Variants in MRPL1 observed in about 807,000 individuals in gnomAD.
MRPL1 encodes the protein mitochondrial ribosomal protein L1, also known as large ribosomal subunit protein uL1m.
MRPL1 carries 28 observed loss-of-function variants against 38.0 expected under a neutral mutation model. That is an observed-to-expected ratio of 0.74 (90% CI 0.55 to 1.01). The LOEUF (loss-of-function observed/expected upper bound fraction) is 1.01, where lower values mean the gene tolerates loss of function less well. Ranked by LOEUF, MRPL1 falls within the 50% of genes least tolerant of loss-of-function variation. MRPL1 has a pLI of 0.00. For synonymous variants in MRPL1, 123 were observed against 126.7 expected, an observed-to-expected ratio of 0.97 and a Z score of 0.20; for missense variants, 358 against 389.8, an observed-to-expected ratio of 0.92 and a Z score of 0.69.
At chr4:77,870,024 C>T (rs1735238886) in intron 1 of MRPL1, among the ~76,000 whole-genome samples, 1 of 152,132 alleles carries the variant, frequency 6.6e-6, no homozygotes, top group Non-Finnish European at 1.5e-5. Flanking sequence ...CCTCAGCTTC[C>T]TGAGTAGCTG....
At chr4:77,862,915 C>T (rs563051567) in intron 1 of MRPL1, 36 bp downstream of exon 1, 3 of 1,613,808 alleles carry the variant, frequency 1.9e-6, no homozygotes, top group Non-Finnish European at 1.7e-6. Context: ...GGAAATGGCT[C>T]TGGCACCGAG....
chr4:77,873,143 T>C (rs896680470), intron 2 of MRPL1, among the ~76,000 whole-genome samples: 4 of 152,258 alleles, frequency 2.6e-5, no homozygotes, highest in African/African-American at 9.6e-5. Context: ...ATAATAATAG[T>C]TAAAATTTAT....
At chr4:77,918,524 A>T (rs943577943) in intron 7 of MRPL1, among the ~76,000 whole-genome samples, 1 of 152,132 alleles carries the variant, frequency 6.6e-6, no homozygotes, top group Non-Finnish European at 1.5e-5. Context: ...AATTTCTTAC[A>T]AGCATGTGAG....
At chr4:77,904,736 A>G (rs115825964) in intron 6 of MRPL1, among the ~76,000 whole-genome samples, 262 of 152,290 alleles carry the variant, frequency 1.7e-3, no homozygotes, top group African/African-American at 6.1e-3. Flanking sequence ...TGATCAACTG[A>G]TTTTCAGCAA....
chr4:77,896,871 A>AAACCTGTTTATT (rs1735926077), intron 6 of MRPL1, among the ~76,000 whole-genome samples: 2 of 152,302 alleles, frequency 1.3e-5, no homozygotes, highest in Non-Finnish European at 1.5e-5. Context: ...TTATTAAAAA[A>AAACCTGTTTATT]AATTAAAACC....
chr4:77,912,712 C>T (rs910986884), intron 7 of MRPL1, among the ~76,000 whole-genome samples: 1 of 152,030 alleles, frequency 6.6e-6, no homozygotes, highest in African/African-American at 2.4e-5. Flanking sequence ...TTCTAAAATT[C>T]ATAGAAAAAT....
At chr4:77,941,848 TTTTG>T (rs1256725672) in intron 7 of MRPL1, among the ~76,000 whole-genome samples, 16 of 152,154 alleles carry the variant, frequency 1.1e-4, no homozygotes, top group African/African-American at 1.7e-4. Flanking sequence ...TTGTATTGTT[TTTTG>T]TTTGTTTGTT....
At chr4:77,909,553 A>C (rs1004668458) in intron 7 of MRPL1, among the ~76,000 whole-genome samples, 181 bp downstream of exon 7, 1 of 152,226 alleles carries the variant, frequency 6.6e-6, no homozygotes, top group Non-Finnish European at 1.5e-5. Flanking sequence ...CATAAATTTT[A>C]ATGGTACTTG....
rs573797435 is a variant in MRPL1 at position 77,935,007 on chromosome 4, G to A, written c.778-14790G>A. Among the ~76,000 whole-genome samples, 6 of 152,322 alleles carry A rather than the reference G, an allele frequency of 3.9e-5. No homozygotes were observed. In the East Asian group the frequency reaches 9.6e-4, roughly 24 times the overall value. On this transcript the variant is annotated intron_variant, in intron 7 of 8. Transcript: ENST00000315567. ...CGTAGAGATAGAAAGTAGAATGGTG[G>A]TTGCCAGGGGCTGGAGGAAGGGGGC...
chr4:77,927,982 CT>C (rs1358348594), intron 7 of MRPL1, among the ~76,000 whole-genome samples: 1 of 152,136 alleles, frequency 6.6e-6, no homozygotes, highest in Non-Finnish European at 1.5e-5. Context: ...ATATTTGGAG[CT>C]TTGACATACT....
chr4:77,934,301 A>G (rs1309675846), intron 7 of MRPL1, among the ~76,000 whole-genome samples: 5 of 152,240 alleles, frequency 3.3e-5, no homozygotes, highest in Admixed American at 3.3e-4. Flanking sequence ...AATCATATAT[A>G]TGATATGAGA....
intron 1 of MRPL1, among the ~76,000 whole-genome samples, chr4:77,868,375 G>T (rs1439411890): frequency 6.6e-6 from 1 of 152,086 alleles, no homozygotes; most frequent in Non-Finnish European, 1.5e-5. Flanking sequence ...GAGTAGCTGG[G>T]ATTACAGGAG....
chr4:77,880,468 T>A (rs1735512769), intron 2 of MRPL1, among the ~76,000 whole-genome samples: 2 of 151,338 alleles, frequency 1.3e-5, no homozygotes, highest in African/African-American at 4.9e-5. Context: ...CATCTCAAGG[T>A]CTTTAACCTT....
chr4:77,887,532 TTGTC>T (rs1735709172), intron 5 of MRPL1, among the ~76,000 whole-genome samples: 1 of 151,810 alleles, frequency 6.6e-6, no homozygotes, highest in Non-Finnish European at 1.5e-5. Context: ...GTGTGTGTGT[TTGTC>T]TGTGTTTGAG....
At chr4:77,910,727 T>C (rs1736268585) in intron 7 of MRPL1, among the ~76,000 whole-genome samples, 1 of 152,186 alleles carries the variant, frequency 6.6e-6, no homozygotes, top group African/African-American at 2.4e-5. Flanking sequence ...CATGCTAGGC[T>C]TCTCAGCTAG....
chr4:77,905,695 C>CT (rs1180592159), intron 6 of MRPL1, among the ~76,000 whole-genome samples: 1 of 151,974 alleles, frequency 6.6e-6, no homozygotes, highest in Non-Finnish European at 1.5e-5. Flanking sequence ...AATCTATCAC[C>CT]TTTTTTCTAG....
chr4:77,916,972 G>A (rs1304364242), intron 7 of MRPL1, among the ~76,000 whole-genome samples: 1 of 152,108 alleles, frequency 6.6e-6, no homozygotes. Context: ...CTAGCATTGG[G>A]TATTATCACA....
At chr4:77,949,732 T>C in intron 7 of MRPL1, 65 bp from the exon 8 acceptor site, 1 of 1,148,454 alleles carries the variant, frequency 8.7e-7, no homozygotes, top group South Asian at 1.4e-5. Context: ...TGAAAAATAG[T>C]CTAGAATAAT....
chr4:77,902,315 A>C (rs1736052469), intron 6 of MRPL1, among the ~76,000 whole-genome samples: 1 of 150,170 alleles, frequency 6.7e-6, no homozygotes, highest in South Asian at 2.2e-4. Context: ...TCAGGGTGGC[A>C]GTGCTCTATG....
Sources: allele counts gnomAD v4.1 joint callset (sites outside exome capture counted in the v4.1 genomes callset), GRCh38; gene constraint gnomAD v4.1.1; transcripts MANE v1.5; gene names NCBI Gene and HGNC (gene_info 2026-07-23, HGNC 2026-07-21).